The following ACOXL variants were observed in gnomAD, a reference collection of about 807,000 sequenced individuals.
ACOXL encodes the protein acyl-CoA oxidase like.
In ACOXL, 70 loss-of-function variants were observed where a neutral mutation model predicts 71.9. The observed-to-expected ratio is 0.97, with a 90% CI of 0.80 to 1.19. The LOEUF is 1.19. Ranked by LOEUF, ACOXL falls within the 50% of genes most tolerant of loss-of-function variation. ACOXL has a pLI of 0.00. For synonymous variants in ACOXL, 253 were observed against 281.6 expected, an observed-to-expected ratio of 0.90 and a Z score of 1.02; for missense variants, 703 against 736.3, an observed-to-expected ratio of 0.95 and a Z score of 0.52.
At chr2:110,950,015 C>T (rs1040551696) in intron 12 of ACOXL, among the ~76,000 whole-genome samples, 1 of 151,834 alleles carries the variant, frequency 6.6e-6, no homozygotes, top group Non-Finnish European at 1.5e-5. Flanking sequence ...TTTAAACAAT[C>T]CTCTGTCTTT....
In ACOXL at chr2:111,118,079, A is replaced by C. The variant is rs1574815573; in HGVS notation, c.*263A>C. On this transcript the variant is annotated 3_prime_UTR_variant, in exon 18 of 18. Transcript: ENST00000439055. ...CCTGGCCTGACTGCAACCTCTCCCA[A>C]CTTCAGTGCCGGATCCCCTAGACAA... 3.6e-6 allele frequency: 2 copies of C among 561,046 alleles called. No homozygotes were observed. 34.8% of individuals were successfully genotyped at this position (561,046 alleles called of 1,614,324 possible). A position where few individuals can be genotyped will look rare whatever the true frequency, so the allele number is the denominator to read the frequency against.
intron 12 of ACOXL, among the ~76,000 whole-genome samples, chr2:110,955,443 TCTC>T (rs2061464094): frequency 6.6e-6 from 1 of 150,800 alleles, no homozygotes; most frequent in African/African-American, 2.4e-5. Context: ...TCTCTCTCTC[TCTC>T]TCTCTCTCTG....
chr2:111,095,582 G>A (rs1291615349), intron 17 of ACOXL, among the ~76,000 whole-genome samples: 1 of 149,154 alleles, frequency 6.7e-6, no homozygotes. Context: ...GTAGAGACAG[G>A]GTTTCGCCAT....
chr2:111,027,576 T>C (rs2065075260), intron 14 of ACOXL, among the ~76,000 whole-genome samples: 1 of 150,878 alleles, frequency 6.6e-6, no homozygotes, highest in Non-Finnish European at 1.5e-5. Flanking sequence ...CACCTCAGCC[T>C]CCCAAAGTGC....
At position 110,777,343 on chromosome 2, in the gene ACOXL, G is replaced by A. The variant is rs545276850; in HGVS notation, c.76-7389G>A. 2.1e-3 allele frequency among the ~76,000 whole-genome samples: 325 copies of A among 152,150 alleles called. 2 individuals are homozygous for A. Among genetic ancestry groups the A allele is most frequent in the Non-Finnish European group, 3.3e-3 (222 of 67,984 alleles). The stretch of plus-strand genomic sequence containing the variant: ...ATAGAGGTAGGGACAAGTGTAAGAG[G>A]GCTCATAAGCATTTTACATACATTA... On this transcript the variant is annotated intron_variant, in intron 2 of 17. Transcript: ENST00000439055.
intron 12 of ACOXL, among the ~76,000 whole-genome samples, chr2:110,961,926 T>A (rs753391270): frequency 6.6e-6 from 1 of 152,210 alleles, no homozygotes; most frequent in Non-Finnish European, 1.5e-5. Context: ...ATGATTCAGT[T>A]ACCTACCACT....
intron 9 of ACOXL, among the ~76,000 whole-genome samples, chr2:110,834,880 A>G (rs1690263452): frequency 6.6e-6 from 1 of 152,238 alleles, no homozygotes; most frequent in Non-Finnish European, 1.5e-5. Flanking sequence ...GGTAAATGAG[A>G]GACAAAGCAA....
At chr2:111,036,196 A>AG (rs1272514686) in intron 15 of ACOXL, among the ~76,000 whole-genome samples, 1 of 152,038 alleles carries the variant, frequency 6.6e-6, no homozygotes, top group African/African-American at 2.4e-5. Flanking sequence ...CCTGGAGGGG[A>AG]GGGGAAGAGT....
At position 110,768,477 on chromosome 2, in the gene ACOXL, A is replaced by G. The variant is rs1681406104; in HGVS notation, c.75+13A>G. The G allele has an allele frequency of 1.9e-6, 3 of 1,584,802 alleles. No homozygotes were observed. The highest frequency in any genetic ancestry group is 1.7e-4 in the Middle Eastern group (1 of 6,006). On this transcript the variant is annotated intron_variant, in intron 2 of 17. Transcript: ENST00000439055. ...AGGTCAGGATCTGGTAAGTGTCATT[A>G]TTATTCTGGTATGGTTGTGTGTGTG...
intron 9 of ACOXL, among the ~76,000 whole-genome samples, chr2:110,814,017 C>T (rs1344760920): frequency 6.6e-6 from 1 of 152,180 alleles, no homozygotes; most frequent in African/African-American, 2.4e-5. Flanking sequence ...GCTTTGTAGT[C>T]CTCAAGACAG....
intron 9 of ACOXL, among the ~76,000 whole-genome samples, chr2:110,821,864 A>G (rs1183938906): frequency 2.0e-5 from 3 of 151,926 alleles, no homozygotes; most frequent in East Asian, 3.9e-4. Context: ...TTGTTGCTCA[A>G]ATTGTTTCAG....
intron 13 of ACOXL, among the ~76,000 whole-genome samples, chr2:110,988,977 CTT>C (rs2063059519): frequency 6.7e-6 from 1 of 149,290 alleles, no homozygotes; most frequent in Non-Finnish European, 1.5e-5. Context: ...TGTGGCTTGT[CTT>C]ATATTTTCTT....
chr2:110,929,100 G>T (rs1322398304), intron 11 of ACOXL, among the ~76,000 whole-genome samples: 4 of 152,196 alleles, frequency 2.6e-5, no homozygotes, highest in African/African-American at 9.7e-5. Context: ...TTTGAAACTG[G>T]GTAATAGGTA....
chr2:111,098,503 A>G (rs1421480908), intron 17 of ACOXL: 1 of 152,250 alleles, frequency 6.6e-6, no homozygotes, highest in African/African-American at 2.4e-5. Flanking sequence ...GACTGAAGCC[A>G]TCACAGAGCA....
At chr2:110,756,524 C>G (rs1344996020) in intron 1 of ACOXL, among the ~76,000 whole-genome samples, 1 of 152,120 alleles carries the variant, frequency 6.6e-6, no homozygotes, top group African/African-American at 2.4e-5. Context: ...CTACTGATTT[C>G]TTGGATTAAA....
chr2:110,751,768 T>A (rs1035097535), intron 1 of ACOXL, among the ~76,000 whole-genome samples: 2 of 152,216 alleles, frequency 1.3e-5, no homozygotes, highest in Non-Finnish European at 2.9e-5. Context: ...CACGGTTGTG[T>A]GTGTTTTTCA....
At chr2:110,915,321 T>C (rs1308317597) in intron 11 of ACOXL, among the ~76,000 whole-genome samples, 1 of 149,542 alleles carries the variant, frequency 6.7e-6, no homozygotes, top group Admixed American at 6.7e-5. Context: ...TTTGAAATTT[T>C]TTGTTATATG....
chr2:110,848,704 T>C (rs577753063), intron 10 of ACOXL, among the ~76,000 whole-genome samples: 1 of 152,322 alleles, frequency 6.6e-6, no homozygotes, highest in Admixed American at 6.5e-5. Context: ...TTTTGGTGCC[T>C]TCTGCTCTGA....
intron 5 of ACOXL, among the ~76,000 whole-genome samples, chr2:110,795,074 T>C (rs1018062613): frequency 6.6e-6 from 1 of 152,224 alleles, no homozygotes; most frequent in Admixed American, 6.5e-5. Flanking sequence ...TTTCTAGAAA[T>C]GAAGCTATGT....
Sources: gnomAD v4.1 joint callset for allele counts (sites outside exome capture counted in the v4.1 genomes callset) on GRCh38, gnomAD v4.1.1 for gene constraint, MANE v1.5 for transcripts, NCBI Gene and HGNC (gene_info 2026-07-23, HGNC 2026-07-21) for gene names.